NEGR1: variants seen among roughly 807,000 people sequenced by gnomAD.
The protein encoded by NEGR1 is neuronal growth regulator 1.
A neutral mutation model predicts 40.9 loss-of-function variants in NEGR1; 10 were observed. The observed-to-expected ratio is 0.24, with a 90% CI of 0.15 to 0.42. NEGR1 has a LOEUF of 0.42. Among genes scored for constraint, NEGR1 ranks in the 10% least tolerant of loss-of-function variants. The probability of loss-of-function intolerance (pLI) is 1.00; values close to 1 mark genes in which losing one functional copy is unlikely to be tolerated. For missense variants in NEGR1, 352 were observed against 438.9 expected (o/e 0.80, Z 1.77); for synonymous variants, 185 against 166.8 (o/e 1.11, Z -0.84).
intron 6 of NEGR1, among the ~76,000 whole-genome samples, chr1:71,581,146 G>T (rs1649121796): frequency 1.3e-5 from 2 of 152,000 alleles, no homozygotes; most frequent in Admixed American, 1.3e-4. Context: ...ATTATAAAAT[G>T]GTGTGTGATA....
chr1:71,498,991 T>G (rs1259530402), intron 6 of NEGR1, among the ~76,000 whole-genome samples: 4 of 152,288 alleles, frequency 2.6e-5, no homozygotes, highest in South Asian at 2.1e-4. Context: ...TGAGAAATCC[T>G]CTGCTGACTA....
At chr1:71,999,299 C>T (rs770326976) in intron 1 of NEGR1, among the ~76,000 whole-genome samples, 4 of 151,926 alleles carry the variant, frequency 2.6e-5, no homozygotes, top group Middle Eastern at 3.4e-3. Context: ...GCCTTGTTGA[C>T]TCAACCCTTT....
At chr1:72,166,516 A>G (rs1232505073) in intron 1 of NEGR1, among the ~76,000 whole-genome samples, 1 of 152,178 alleles carries the variant, frequency 6.6e-6, no homozygotes, top group Non-Finnish European at 1.5e-5. Context: ...TAGCCAAGAT[A>G]TGGACTCAAC....
intron 1 of NEGR1, among the ~76,000 whole-genome samples, chr1:72,036,913 G>C (rs977595373): frequency 6.6e-6 from 1 of 151,966 alleles, no homozygotes; most frequent in African/African-American, 2.4e-5. Context: ...TGTGGCACAA[G>C]GTAGAGAAAA....
intron 1 of NEGR1, among the ~76,000 whole-genome samples, chr1:72,018,322 G>C (rs1293882094): frequency 6.6e-6 from 1 of 152,146 alleles, no homozygotes; most frequent in African/African-American, 2.4e-5. Flanking sequence ...CTATTGAGTG[G>C]AGAAAGAAAC....
intron 1 of NEGR1, among the ~76,000 whole-genome samples, chr1:72,280,831 C>T (rs1656216739): frequency 6.6e-6 from 1 of 152,088 alleles, no homozygotes; most frequent in African/African-American, 2.4e-5. Context: ...CTCTCTTTCA[C>T]CTTAGACATG....
chr1:71,705,024 C>T (rs1653839430), intron 3 of NEGR1, among the ~76,000 whole-genome samples: 1 of 151,770 alleles, frequency 6.6e-6, no homozygotes, highest in Non-Finnish European at 1.5e-5. Context: ...GGTATATTAA[C>T]ATGCAGATAA....
chr1:72,261,419 A>G (rs746670838), intron 1 of NEGR1, among the ~76,000 whole-genome samples: 7 of 152,132 alleles, frequency 4.6e-5, no homozygotes, highest in African/African-American at 1.7e-4. Flanking sequence ...ACTGGTTTAA[A>G]GAAATACTTC....
chr1:71,783,007 T>G (rs1557650779), intron 2 of NEGR1, among the ~76,000 whole-genome samples: 1 of 152,158 alleles, frequency 6.6e-6, no homozygotes, highest in South Asian at 2.1e-4. Flanking sequence ...TTTTTTTTAC[T>G]TTTGGATCTT....
chr1:71,601,998 A>G (rs1039802194), intron 5 of NEGR1, among the ~76,000 whole-genome samples: 1 of 152,074 alleles, frequency 6.6e-6, no homozygotes, highest in Admixed American at 6.5e-5. Flanking sequence ...GCTACACACA[A>G]AAAAGGGACT....
In NEGR1 at chr1:71,935,106, T is replaced by C; in HGVS notation, c.382A>G (p.Thr128Ala). 3 of 1,611,712 alleles carry C rather than the reference T, an allele frequency of 1.9e-6. No homozygotes were observed. The highest frequency in any genetic ancestry group is 2.5e-6 in the Non-Finnish European group (3 of 1,177,836). The change falls in exon 2 of 7, where the codon ACA becomes GCA. Residue 128 changes from threonine (T) to alanine (A), a missense_variant. Transcript: ENST00000357731. ...CSVQTQHTPR[T>A]MQVHLTVQVP... ...TGCACAGTTAGATGCACCTGCATTG[T>C]TCTGGGTGTATGTTGAGTCTGAACA...
intron 1 of NEGR1, among the ~76,000 whole-genome samples, chr1:71,937,105 A>T (rs1415192716): frequency 1.3e-5 from 2 of 152,202 alleles, no homozygotes; most frequent in Admixed American, 1.3e-4. Flanking sequence ...GAAACTAATC[A>T]GTGGGTGAAA....
At chr1:72,152,596 C>T (rs1651165393) in intron 1 of NEGR1, among the ~76,000 whole-genome samples, 1 of 151,922 alleles carries the variant, frequency 6.6e-6, no homozygotes, top group Non-Finnish European at 1.5e-5. Flanking sequence ...TAAAACAGAG[C>T]TACCATTTGA....
chr1:72,130,833 A>G (rs1459652940), intron 1 of NEGR1, among the ~76,000 whole-genome samples: 2 of 152,182 alleles, frequency 1.3e-5, no homozygotes, highest in Non-Finnish European at 2.9e-5. Context: ...TATATTATCT[A>G]TAATCATTCC....
At chr1:71,597,426 A>ATG (rs1408269920) in intron 5 of NEGR1, among the ~76,000 whole-genome samples, 2 of 120,786 alleles carry the variant, frequency 1.7e-5, no homozygotes, top group African/African-American at 6.9e-5. Flanking sequence ...ATATATATAT[A>ATG]TATATGTCTC....
intron 1 of NEGR1, among the ~76,000 whole-genome samples, chr1:72,023,656 A>T (rs1646780181): frequency 7.7e-6 from 1 of 129,038 alleles, no homozygotes; most frequent in African/African-American, 2.9e-5. Context: ...TTAGTAAAAA[A>T]AAAACTTAAC....
Position 71,495,621 on chromosome 1 carries a change from C to G in NEGR1, c.941-88051G>C, listed in dbSNP as rs190675803. On this transcript the variant is annotated intron_variant, in intron 6 of 6. Coordinates refer to ENST00000357731, the MANE Select transcript of NEGR1 (RefSeq NM_173808.3). Reference sequence around the variant, plus strand: ...CAAAATTTGTCACAGACATAGATCACTGGAGGTAACATATTAAGCTGACAT... The same window carrying G: ...CAAAATTTGTCACAGACATAGATCAGTGGAGGTAACATATTAAGCTGACAT... 3.1e-3 allele frequency among the ~76,000 whole-genome samples: 467 copies of G among 152,150 alleles called. 3 individuals are homozygous for G. The highest frequency in any genetic ancestry group is 4.0e-3 in the Non-Finnish European group (274 of 68,010).
Position 71,400,135 on chromosome 1 carries a change from G to T in NEGR1, c.*7311C>A, listed in dbSNP as rs556231667. 6.6e-5 allele frequency: 10 copies of T among 152,292 alleles called. No homozygotes were observed. In the East Asian group the frequency reaches 1.2e-3, roughly 18 times the overall value. 9.4% of individuals were successfully genotyped at this position (152,292 alleles called of 1,614,324 possible). A position where few individuals can be genotyped will look rare whatever the true frequency, so the allele number is the denominator to read the frequency against. On this transcript the variant is annotated 3_prime_UTR_variant, in exon 7 of 7. Transcript: ENST00000357731. ...CAAATTTCCACCAAGGAATAGCCCA[G>T]TGCTTTTAGCAATCCATTTGAAATG...
At chr1:72,262,078 A>G (rs1480465339) in intron 1 of NEGR1, among the ~76,000 whole-genome samples, 4 of 151,948 alleles carry the variant, frequency 2.6e-5, no homozygotes, top group African/African-American at 7.2e-5. Flanking sequence ...CACGTGGGGG[A>G]AAATGGGCAT....
Sources: gnomAD v4.1 joint callset for allele counts (sites outside exome capture counted in the v4.1 genomes callset) on GRCh38, gnomAD v4.1.1 for gene constraint, MANE v1.5 for transcripts, NCBI Gene and HGNC (gene_info 2026-07-23, HGNC 2026-07-21) for gene names.